RELL1: variants seen among roughly 807,000 people sequenced by gnomAD.
RELL1 encodes RELT like 1.
RELL1 carries 10 observed loss-of-function variants against 23.0 expected under a neutral mutation model. That is an observed-to-expected ratio of 0.43 (90% confidence interval 0.27 to 0.74). RELL1 has a LOEUF of 0.74. Among genes scored for constraint, RELL1 ranks in the 30% least tolerant of loss-of-function variants. The pLI is 0.19. For synonymous variants in RELL1, 146 were observed against 146.8 expected, an observed-to-expected ratio of 0.99 and a Z score of 0.04; for missense variants, 315 against 364.4, an observed-to-expected ratio of 0.86 and a Z score of 1.10.
chr4:37,641,198 T>TG, intron 3 of RELL1, among the ~76,000 whole-genome samples: 1 of 152,110 alleles, frequency 6.6e-6, no homozygotes, highest in East Asian at 1.9e-4. Context: ...GTTTGCTGAG[T>TG]GAGTCTCTAG....
chr4:37,604,882 CACACAG>C (rs1675510314), intron 6 of RELL1, among the ~76,000 whole-genome samples: 40 of 88,484 alleles, frequency 4.5e-4, no homozygotes, highest in Middle Eastern at 5.2e-3. Context: ...CACACACATA[CACACAG>C]ACACACACAC....
At chr4:37,634,501 C>A (rs1298327263) in intron 5 of RELL1, among the ~76,000 whole-genome samples, 1 of 152,212 alleles carries the variant, frequency 6.6e-6, no homozygotes, top group Non-Finnish European at 1.5e-5. Context: ...GGCTGGCAAA[C>A]CTGGCAGAGC....
downstream of RELL1, chr4:37,590,365 G>A (rs1718538199): frequency 1.2e-6 from 2 of 1,613,648 alleles, no homozygotes; most frequent in Non-Finnish European, 1.7e-6. Flanking sequence ...CATCGGCCCT[G>A]CTGCCACTCC....
At chr4:37,661,267 C>CTGTTTGTTTGTTTGTT (rs112180792) in intron 1 of RELL1, among the ~76,000 whole-genome samples, 2 of 150,480 alleles carry the variant, frequency 1.3e-5, no homozygotes, top group African/African-American at 4.9e-5. Flanking sequence ...TAAGTTAATT[C>CTGTTTGTTTGTTTGTT]TGTTTGTTTG....
At chr4:37,663,939 A>G (rs1249672384) in intron 1 of RELL1, among the ~76,000 whole-genome samples, 3 of 152,200 alleles carry the variant, frequency 2.0e-5, no homozygotes, top group Non-Finnish European at 4.4e-5. Flanking sequence ...TAACACTGGA[A>G]CTTGCACATA....
chr4:37,590,808 A>G (rs1290629089), exon 7 of RELL1: 1 of 1,614,036 alleles, frequency 6.2e-7, no homozygotes, highest in East Asian at 2.2e-5. Context: ...CAGAAGTTCT[A>G]AGCATCTGCT....
chr4:37,602,573 C>T (rs1212005733), intron 6 of RELL1, among the ~76,000 whole-genome samples: 1 of 151,926 alleles, frequency 6.6e-6, no homozygotes, highest in African/African-American at 2.4e-5. Flanking sequence ...TCTGATCAGC[C>T]GTGGGGGATG....
chr4:37,641,930 CA>C (rs1413433931), intron 3 of RELL1, among the ~76,000 whole-genome samples: 1 of 152,174 alleles, frequency 6.6e-6, no homozygotes, highest in African/African-American at 2.4e-5. Flanking sequence ...CCCCATTTTA[CA>C]AGTATACAGA....
At chr4:37,644,652 G>A (rs572188197) in intron 3 of RELL1, among the ~76,000 whole-genome samples, 1 of 151,720 alleles carries the variant, frequency 6.6e-6, no homozygotes, top group African/African-American at 2.4e-5. Context: ...TAGAGACGGG[G>A]TTTCACCACG....
chr4:37,678,034 GCT>G (rs1158645976), intron 1 of RELL1, among the ~76,000 whole-genome samples: 6 of 152,172 alleles, frequency 3.9e-5, no homozygotes, highest in African/African-American at 1.2e-4. Flanking sequence ...GGTTTAATTG[GCT>G]CACAGTTCTG....
intron 6 of RELL1, among the ~76,000 whole-genome samples, chr4:37,604,510 C>T (rs991971584): frequency 6.6e-6 from 1 of 152,154 alleles, no homozygotes; most frequent in South Asian, 2.1e-4. Flanking sequence ...GACATACACA[C>T]GCGCACACAC....
intron 6 of RELL1, among the ~76,000 whole-genome samples, chr4:37,625,277 A>G (rs1283334255): frequency 6.6e-6 from 1 of 151,724 alleles, no homozygotes; most frequent in Non-Finnish European, 1.5e-5. Flanking sequence ...CTAGAAAAAC[A>G]CATAGGAGGA....
intron 6 of RELL1, among the ~76,000 whole-genome samples, chr4:37,615,300 C>G (rs1378861282): frequency 6.6e-6 from 1 of 152,198 alleles, no homozygotes; most frequent in Non-Finnish European, 1.5e-5. Context: ...GTCCTCACTG[C>G]TAATACCAGA....
intron 6 of RELL1, among the ~76,000 whole-genome samples, chr4:37,621,822 A>G (rs1339539697): frequency 6.6e-6 from 1 of 152,234 alleles, no homozygotes; most frequent in Non-Finnish European, 1.5e-5. Context: ...GTGGCAACTC[A>G]AAGCAAAACA....
chr4:37,685,799 GCT>G lies in RELL1; in HGVS notation c.88+399_88+400del, dbSNP rs1359167036. Among the ~76,000 whole-genome samples the G allele has an allele frequency of 7.9e-5, 12 of 152,378 alleles. 1 individual carries two copies. The South Asian group carries it at 1.2e-3, about 16-fold the overall frequency. On this transcript the variant is annotated intron_variant, in intron 1 of 6. Transcript: ENST00000454158. ...AGGAGGCGCCGACAGCGCACCCGGT[GCT>G]CTGTGTCACGATCTTCCGCTCGCGG...
intron 5 of RELL1, 51 bp from the exon 6 acceptor site, chr4:37,631,574 G>C: frequency 6.3e-7 from 1 of 1,587,438 alleles, no homozygotes; most frequent in African/African-American, 1.4e-5. Flanking sequence ...TAATAAACAA[G>C]AATTATGAAT....
intron 1 of RELL1, among the ~76,000 whole-genome samples, chr4:37,682,370 A>C (rs934395960): frequency 1.3e-5 from 2 of 152,242 alleles, no homozygotes; most frequent in Non-Finnish European, 2.9e-5. Flanking sequence ...ACTCAACCTA[A>C]TAGTTTATAC....
chr4:37,649,062 G>A (rs1359407021), intron 2 of RELL1, among the ~76,000 whole-genome samples: 1 of 152,146 alleles, frequency 6.6e-6, no homozygotes, highest in African/African-American at 2.4e-5. Context: ...AAGGCCACAG[G>A]GCAAGAAAGG....
chr4:37,631,900 A>C (rs189448138), intron 5 of RELL1, among the ~76,000 whole-genome samples: 16 of 151,854 alleles, frequency 1.1e-4, no homozygotes, highest in Admixed American at 8.5e-4. Context: ...GGTGTATGGC[A>C]AAACTCTGTC....
Sources: gnomAD v4.1 joint callset for allele counts (sites outside exome capture counted in the v4.1 genomes callset) on GRCh38, gnomAD v4.1.1 for gene constraint, MANE v1.5 for transcripts, NCBI Gene and HGNC (gene_info 2026-07-23, HGNC 2026-07-21) for gene names.